Variants in PRRC2C observed in about 807,000 individuals in gnomAD.
The protein encoded by PRRC2C is protein PRRC2C.
In PRRC2C, 72 loss-of-function variants were observed where a neutral mutation model predicts 317.2. The ratio of observed to expected loss-of-function variants is 0.23; its 90% CI spans 0.19 to 0.28. The LOEUF is 0.28. Ranked by LOEUF, PRRC2C falls within the 10% of genes least tolerant of loss-of-function variation. The pLI, the probability that PRRC2C is intolerant of heterozygous loss-of-function variation, is 1.00. For synonymous variants in PRRC2C, 1,296 were observed against 1,205.9 expected, an observed-to-expected ratio of 1.07 and a Z score of -1.55; for missense variants, 3,074 against 3,459.7, an observed-to-expected ratio of 0.89 and a Z score of 2.80.
Position 171,579,383 on chromosome 1 carries a change from A to G in PRRC2C, c.7189A>G (p.Ser2397Gly). Residue 2397 changes from serine (S) to glycine (G), a missense_variant, in exon 27 of 35, where the codon AGT (serine) becomes GGT (glycine). Around this residue, in one of 11 missense-constraint regions of PRRC2C, gnomAD observed 490 missense variants for 663.1 expected, o/e 0.74. Coordinates refer to ENST00000647382, the MANE Select transcript of PRRC2C (RefSeq NM_001387844.1). Reference protein sequence around the residue: ...AQIPAFYMDTSHLFNTQHARL... With the variant: ...AQIPAFYMDTGHLFNTQHARL... Reference sequence around the variant, plus strand: ...AATCCCAGCCTTCTATATGGACACAAGTCATTTATTCAATACCCAACATGC... The same window carrying G: ...AATCCCAGCCTTCTATATGGACACAGGTCATTTATTCAATACCCAACATGC... 1 of 1,613,924 alleles carries G rather than the reference A, an allele frequency of 6.2e-7. No homozygotes were observed. The highest frequency in any genetic ancestry group is 2.2e-5 in the East Asian group (1 of 44,880).
chr1:171,516,510 A>C (rs1672391386), intron 5 of PRRC2C, among the ~76,000 whole-genome samples: 1 of 152,072 alleles, frequency 6.6e-6, no homozygotes, highest in South Asian at 2.1e-4. Context: ...TCTAAATCTT[A>C]TTTTTCAAGC....
At chr1:171,568,854 G>A (rs1684178770) in intron 23 of PRRC2C, among the ~76,000 whole-genome samples, 1 of 141,220 alleles carries the variant, frequency 7.1e-6, no homozygotes, top group Non-Finnish European at 1.6e-5. Flanking sequence ...ATATTGTATT[G>A]TATACATAAG....
At chr1:171,501,250 C>T (rs1435717666) in intron 1 of PRRC2C, among the ~76,000 whole-genome samples, 2 of 152,168 alleles carry the variant, frequency 1.3e-5, no homozygotes, top group Non-Finnish European at 2.9e-5. Context: ...CGTGCCTCAG[C>T]CTCCTGAGTA....
chr1:171,507,850 A>G lies in PRRC2C; in HGVS notation c.-57-4182A>G, dbSNP rs1468012214. Among the ~76,000 whole-genome samples, 6 of 152,222 alleles carry G rather than the reference A, an allele frequency of 3.9e-5. No homozygotes were observed. In the East Asian group the frequency reaches 1.2e-3, roughly 29 times the overall value. On this transcript the variant is annotated intron_variant, in intron 1 of 34. Coordinates refer to ENST00000647382, the MANE Select transcript of PRRC2C (RefSeq NM_001387844.1). ...ATCAATATTTTATAGTTTTCAGTGT[A>G]TGGGTATTTTGCTCCCTTGGTTAGA...
chr1:171,536,186 G>A lies in PRRC2C; in HGVS notation c.2201G>A (p.Gly734Asp), dbSNP rs1260478527. ...CATCCTCAGCATTTGGCTTCTATGG[G>A]TTTTGATCCAAGGTGGCTCATGATG... ...QPHPQHLASM[G>D]FDPRWLMMQS... The change falls in exon 14 of 35, where the codon GGT (glycine) becomes GAT (aspartate). Residue 734 changes from glycine to aspartate, a missense_variant. Gly to Asp is a moderately conservative substitution (Grantham distance 94). This residue lies in a region of PRRC2C where 1,320 missense variants were observed against 1,395.7 expected (regional missense o/e 0.95). Coordinates refer to ENST00000647382, the MANE Select transcript of PRRC2C (RefSeq NM_001387844.1). The A allele has an allele frequency of 6.2e-7, 1 of 1,613,206 alleles. No individual in the cohort carries two copies.
intron 4 of PRRC2C, 51 bp downstream of exon 4, chr1:171,514,696 A>G (rs1672015828): frequency 7.0e-7 from 1 of 1,437,904 alleles, no homozygotes; most frequent in Non-Finnish European, 9.6e-7. Flanking sequence ...GTTACTGAAC[A>G]GCCATGCAGG....
At chr1:171,536,853 T>C (rs2102460819) in intron 14 of PRRC2C, among the ~76,000 whole-genome samples, 1 of 152,342 alleles carries the variant, frequency 6.6e-6, no homozygotes, top group Admixed American at 6.5e-5. Flanking sequence ...TTGTAGAATA[T>C]TGACCAACTA....
Position 171,560,999 on chromosome 1 carries a change from T to A in PRRC2C, c.6032-19T>A. ...GACTCTAAATCTTAATCATGTTTTT[T>A]ATGGCTTCTTCTTTCCAGTAGGTCC... On this transcript the variant is annotated intron_variant, in intron 19 of 34. Coordinates refer to ENST00000647382, the MANE Select transcript of PRRC2C (RefSeq NM_001387844.1). The A allele has an allele frequency of 1.3e-6, 2 of 1,545,804 alleles. No homozygotes were observed. The highest frequency in any genetic ancestry group is 2.2e-5 in the South Asian group (2 of 89,654).
chr1:171,558,592 A>C (rs1681917177), intron 19 of PRRC2C, among the ~76,000 whole-genome samples: 1 of 152,140 alleles, frequency 6.6e-6, no homozygotes, highest in South Asian at 2.1e-4. Flanking sequence ...GTTATCTTTG[A>C]TATTGTAATT....
At chr1:171,500,810 C>A (rs552285753) in intron 1 of PRRC2C, among the ~76,000 whole-genome samples, 2 of 152,258 alleles carry the variant, frequency 1.3e-5, no homozygotes, top group East Asian at 3.9e-4. Flanking sequence ...CTTCTTCTTT[C>A]ATTTCTTTTT....
At chr1:171,520,881 T>C (rs1279468034) in intron 6 of PRRC2C, among the ~76,000 whole-genome samples, 2 of 147,962 alleles carry the variant, frequency 1.4e-5, no homozygotes, top group African/African-American at 2.5e-5. Flanking sequence ...CTCAGCTCAC[T>C]GCAACCTCCA....
chr1:171,497,415 T>G (rs974566075), intron 1 of PRRC2C, among the ~76,000 whole-genome samples: 2 of 152,220 alleles, frequency 1.3e-5, no homozygotes, highest in African/African-American at 2.4e-5. Context: ...TTGGTAATTT[T>G]CAGTGATTTA....
chr1:171,500,802 T>A (rs1310932610), intron 1 of PRRC2C, among the ~76,000 whole-genome samples: 1 of 152,176 alleles, frequency 6.6e-6, no homozygotes, highest in Non-Finnish European at 1.5e-5. Context: ...CTCCTAAACT[T>A]CTTCTTTCAT....
Position 171,540,495 on chromosome 1 carries a change from G to T in PRRC2C, c.3029G>T (p.Arg1010Ile). Reference protein sequence around the residue: ...SSNRREEVNDRPVRRSGPIKK... With the variant: ...SSNRREEVNDIPVRRSGPIKK... Reference sequence around the variant, plus strand: ...AACAGAAGGGAAGAAGTTAATGATAGACCTGTGAGAAGATCAGGTCCCATT... The same window carrying T: ...AACAGAAGGGAAGAAGTTAATGATATACCTGTGAGAAGATCAGGTCCCATT... Residue 1010 changes from arginine (R) to isoleucine (I), a missense_variant, in exon 16 of 35, where the codon AGA (arginine) becomes ATA (isoleucine). Arg to Ile is a moderately conservative substitution (Grantham distance 97, BLOSUM62 -3). Transcript: ENST00000647382. 1 of 1,613,048 alleles carries T rather than the reference G, an allele frequency of 6.2e-7. No homozygotes were observed. The highest frequency in any genetic ancestry group is 8.5e-7 in the Non-Finnish European group (1 of 1,179,670).
At chr1:171,535,709 G>A in intron 13 of PRRC2C, 112 bp downstream of exon 13, 1 of 1,283,090 alleles carries the variant, frequency 7.8e-7, no homozygotes, top group Non-Finnish European at 1.1e-6. Flanking sequence ...AAGTTCCCTT[G>A]AAATTATTTT....
At chr1:171,537,565 C>A in intron 15 of PRRC2C, 92 bp downstream of exon 15, 1 of 1,128,892 alleles carries the variant, frequency 8.9e-7, no homozygotes, top group Non-Finnish European at 1.3e-6. Context: ...CAATTTAGGA[C>A]TGAAGCATAA....
chr1:171,577,053 G>A (rs1345948180), intron 25 of PRRC2C, among the ~76,000 whole-genome samples: 1 of 152,110 alleles, frequency 6.6e-6, no homozygotes, highest in African/African-American at 2.4e-5. Context: ...TTTCTCTTTT[G>A]TGTCCTTATA....
At chr1:171,534,660 A>T (rs1676493484) in intron 12 of PRRC2C, among the ~76,000 whole-genome samples, 1 of 152,100 alleles carries the variant, frequency 6.6e-6, no homozygotes, top group African/African-American at 2.4e-5. Flanking sequence ...TCCCAGGCTA[A>T]AGTGATCCTC....
intron 5 of PRRC2C, among the ~76,000 whole-genome samples, chr1:171,516,122 T>C (rs980402945): frequency 7.9e-5 from 12 of 152,214 alleles, no homozygotes; most frequent in Non-Finnish European, 1.5e-5. Context: ...CAGGTGACTT[T>C]CATGTATACC....
Sources: allele counts gnomAD v4.1 joint callset (sites outside exome capture counted in the v4.1 genomes callset), GRCh38; gene constraint gnomAD v4.1.1; regional missense constraint gnomAD v4.1.1; transcripts MANE v1.5; gene names NCBI Gene and HGNC (gene_info 2026-07-23, HGNC 2026-07-21).